Variants in CNGB3 observed in about 807,000 individuals in gnomAD.
The protein encoded by CNGB3 is cyclic nucleotide gated channel subunit beta 3, also known as cyclic nucleotide-gated channel beta-3.
CNGB3 carries 86 observed loss-of-function variants against 92.8 expected under a neutral mutation model. The observed-to-expected ratio is 0.93, with a 90% confidence interval of 0.78 to 1.11. The LOEUF (loss-of-function observed/expected upper bound fraction) is 1.11. Among genes scored for constraint, CNGB3 ranks in the 50% least tolerant of loss-of-function variants. The probability of loss-of-function intolerance (pLI) is 0.00; values close to 1 mark genes in which losing one functional copy is unlikely to be tolerated. For synonymous variants in CNGB3, 333 were observed against 332.7 expected (o/e 1.00, Z -0.01); for missense variants, 1,026 against 956.8 (o/e 1.07, Z -0.95).
At chr8:86,738,798 G>A (rs1243348841) in intron 2 of CNGB3, among the ~76,000 whole-genome samples, 1 of 145,188 alleles carries the variant, frequency 6.9e-6, no homozygotes, top group African/African-American at 2.6e-5. Context: ...CCGAGATTAC[G>A]TCACTGCACT....
rs767430685 is a variant in CNGB3, at chr8:86,578,836, G to C, written c.1956C>G (p.Thr652=). The change falls in exon 17 of 18, where the codon ACC becomes ACG. Residue 652 remains threonine, a synonymous_variant. Coordinates refer to ENST00000320005, the MANE Select transcript of CNGB3 (RefSeq NM_019098.5). ...CTTTTCTTGGAGGGGTTGCTTCTGC[G>C]GTCTTAGCCTTCTGCTTTAAAAGCA... ...ARVLLKQKAK[T]AEATPPRKDL... 2.5e-6 allele frequency: 4 copies of C among 1,614,076 alleles called. No homozygotes were observed. In the South Asian group the frequency reaches 3.3e-5, roughly 13 times the overall value.
At chr8:86,716,990 T>C (rs1824865940) in intron 3 of CNGB3, among the ~76,000 whole-genome samples, 1 of 152,056 alleles carries the variant, frequency 6.6e-6, no homozygotes, top group African/African-American at 2.4e-5. Context: ...TAACACATAA[T>C]GACTCACATA....
chr8:86,633,243 G>A (rs1822997417), intron 10 of CNGB3, among the ~76,000 whole-genome samples: 1 of 152,174 alleles, frequency 6.6e-6, no homozygotes, highest in Non-Finnish European at 1.5e-5. Flanking sequence ...CAGCTGGTAT[G>A]AGTTGAATGG....
intron 3 of CNGB3, among the ~76,000 whole-genome samples, chr8:86,689,920 C>T (rs994252260): frequency 3.3e-5 from 5 of 152,190 alleles, no homozygotes; most frequent in Non-Finnish European, 7.3e-5. Context: ...GCATAGTATT[C>T]CATGGTGTAT....
At chr8:86,580,281 G>C (rs1272222802) in intron 15 of CNGB3, among the ~76,000 whole-genome samples, 1 of 152,134 alleles carries the variant, frequency 6.6e-6, no homozygotes, top group South Asian at 2.1e-4. Flanking sequence ...TTTGAGAAAA[G>C]ATTTGGGTGG....
At chr8:86,654,468 C>T (rs1042919281) in intron 6 of CNGB3, among the ~76,000 whole-genome samples, 1 of 152,106 alleles carries the variant, frequency 6.6e-6, no homozygotes, top group African/African-American at 2.4e-5. Flanking sequence ...TGGCATTCAT[C>T]ATGATTTGAA....
intron 3 of CNGB3, among the ~76,000 whole-genome samples, chr8:86,694,708 C>T (rs1292844369): frequency 3.3e-5 from 5 of 151,318 alleles, no homozygotes; most frequent in East Asian, 2.0e-4. Context: ...GATGGGTGGC[C>T]GGGCAGAGAC....
intron 3 of CNGB3, among the ~76,000 whole-genome samples, chr8:86,694,762 C>A (rs1477326461): frequency 6.6e-6 from 1 of 151,698 alleles, no homozygotes; most frequent in Non-Finnish European, 1.5e-5. Context: ...AAGAGGCGCT[C>A]CTCACTTCCT....
At chr8:86,617,185 T>TA (rs995999426) in intron 13 of CNGB3, among the ~76,000 whole-genome samples, 1 of 152,208 alleles carries the variant, frequency 6.6e-6, no homozygotes, top group African/African-American at 2.4e-5. Flanking sequence ...ATTCCACTTT[T>TA]AATAATGGCA....
rs577531760 is a variant in CNGB3 at position 86,594,671 on chromosome 8, C to T, written c.1781+9422G>A. 13 of 186,206 alleles carry T rather than the reference C, an allele frequency of 7.0e-5. No individual in the cohort carries two copies. The South Asian group carries it at 1.3e-3, about 18-fold the overall frequency. The allele number at this position is 186,206 out of a possible 1,614,324, so 11.5% of individuals were successfully genotyped here. The stretch of plus-strand genomic sequence containing the variant: ...GGATGTCTGCAGGCCCAGCCTCCCG[C>T]TTGCCCCTGGCTTTAGACAGCTTTT... On this transcript the variant is annotated intron_variant, in intron 15 of 17. Transcript: ENST00000320005.
chr8:86,739,406 C>T (rs1002431811), intron 2 of CNGB3, among the ~76,000 whole-genome samples: 1 of 152,210 alleles, frequency 6.6e-6, no homozygotes, highest in African/African-American at 2.4e-5. Flanking sequence ...TTGCTCATTA[C>T]TGCACCTCCA....
intron 6 of CNGB3, chr8:86,661,202 A>G: frequency 3.5e-6 from 1 of 283,274 alleles, no homozygotes; most frequent in South Asian, 4.1e-5. Flanking sequence ...TGTTAAACAA[A>G]ATATATTCTA....
chr8:86,582,044 A>C (rs1039289656), intron 15 of CNGB3, among the ~76,000 whole-genome samples: 1 of 151,780 alleles, frequency 6.6e-6, no homozygotes, highest in African/African-American at 2.4e-5. Flanking sequence ...AAAGGGAAGA[A>C]AAAACAGTCC....
chr8:86,644,410 TC>T (rs1823253884), intron 9 of CNGB3, among the ~76,000 whole-genome samples: 1 of 151,418 alleles, frequency 6.6e-6, no homozygotes, highest in Non-Finnish European at 1.5e-5. Flanking sequence ...ATTTTCTTAG[TC>T]CAGTATTCTA....
intron 13 of CNGB3, among the ~76,000 whole-genome samples, chr8:86,616,115 G>A (rs1024944513): frequency 6.6e-6 from 1 of 152,126 alleles, no homozygotes; most frequent in Non-Finnish European, 1.5e-5. Context: ...ATACACACAA[G>A]CACTTACATC....
intron 3 of CNGB3, among the ~76,000 whole-genome samples, chr8:86,717,452 A>G (rs1337400115): frequency 6.6e-6 from 1 of 151,796 alleles, no homozygotes; most frequent in East Asian, 1.9e-4. Context: ...AATCCCAGCT[A>G]CTGGGGAGAC....
intron 2 of CNGB3, among the ~76,000 whole-genome samples, chr8:86,731,990 TG>T (rs1825164590): frequency 6.6e-6 from 1 of 152,224 alleles, no homozygotes; most frequent in South Asian, 2.1e-4. Context: ...CTATATTCTT[TG>T]GCAGAAAGAA....
intron 7 of CNGB3, among the ~76,000 whole-genome samples, chr8:86,650,392 C>A (rs1262066576): frequency 6.6e-6 from 1 of 151,274 alleles, no homozygotes; most frequent in Non-Finnish European, 1.5e-5. Context: ...TGGGTATCTA[C>A]CAAAAGGAAA....
chr8:86,694,116 G>A lies in CNGB3; in HGVS notation c.339-23018C>T, dbSNP rs375744299. Reference sequence around the variant, plus strand: ...TCCCTCCCAGACGGGGCGGCTGGCCGGGCGGGGGGCTGACCCCCCCACCTC... The same window carrying A: ...TCCCTCCCAGACGGGGCGGCTGGCCAGGCGGGGGGCTGACCCCCCCACCTC... On this transcript the variant is annotated intron_variant, in intron 3 of 17. Transcript: ENST00000320005. Among the ~76,000 whole-genome samples the A allele has an allele frequency of 7.4e-3, 610 of 82,330 alleles. 1 individual carries two copies. The highest frequency in any genetic ancestry group is 0.017 in the South Asian group (33 of 1,958). 54.0% of individuals were successfully genotyped at this position (82,330 alleles called of 152,430 possible).
Sources: allele counts gnomAD v4.1 joint callset (sites outside exome capture counted in the v4.1 genomes callset), GRCh38; gene constraint gnomAD v4.1.1; transcripts MANE v1.5; gene names NCBI Gene and HGNC (gene_info 2026-07-23, HGNC 2026-07-21).